POLR1C: variants seen among roughly 807,000 people sequenced by gnomAD.
POLR1C encodes the protein RNA polymerase I and III subunit C.
POLR1C carries 42 observed loss-of-function variants against 38.3 expected under a neutral mutation model. The observed-to-expected ratio is 1.10, with a 90% CI of 0.86 to 1.42. POLR1C has a LOEUF of 1.42. POLR1C is among the 40% of genes most tolerant of loss of function. POLR1C has a pLI of 0.00. For missense variants in POLR1C, 507 were observed against 450.5 expected (o/e 1.13, Z -1.14); for synonymous variants, 163 against 163.9 (o/e 0.99, Z 0.04).
chr6:43,521,449 T>C lies in POLR1C; in HGVS notation c.*149T>C, dbSNP rs1201156420. On this transcript the variant is annotated 3_prime_UTR_variant, in exon 9 of 9. Coordinates refer to ENST00000642195, the MANE Select transcript of POLR1C (RefSeq NM_203290.4). ...TCAATACATTTTGTTAAATGTGCCATAAAATGAGACTTTTTACGCCTTTAT... is the reference window on the plus strand; with the variant it reads ...TCAATACATTTTGTTAAATGTGCCACAAAATGAGACTTTTTACGCCTTTAT... 3 of 1,513,306 alleles carry C rather than the reference T, an allele frequency of 2.0e-6. No homozygotes were observed. The highest frequency in any genetic ancestry group is 2.6e-6 in the Non-Finnish European group (3 of 1,132,766). The allele number at this position is 1,513,306 out of a possible 1,614,324, so 93.7% of individuals were successfully genotyped here.
chr6:43,519,655 TA>T, intron 3 of POLR1C, 50 bp from the exon 4 acceptor site: 1 of 1,613,772 alleles, frequency 6.2e-7, no homozygotes, highest in Non-Finnish European at 8.5e-7. Flanking sequence ...CGGGGATAGG[TA>T]GGGGGTCTGT....
At position 43,548,389 on chromosome 6, in the gene POLR1C, C is replaced by T. The variant is rs747169486; in HGVS notation, c.*5-2579C>T. 37 of 1,612,926 alleles carry T rather than the reference C, an allele frequency of 2.3e-5. No homozygotes were observed. In the Middle Eastern group the frequency reaches 1.5e-3, roughly 64 times the overall value. ...CCAGGGCTTCCATGAGGGCACACTTCTCCATTTGTGTCAGGAGTAGCTCAT... is the reference window on the plus strand; with the variant it reads ...CCAGGGCTTCCATGAGGGCACACTTTTCCATTTGTGTCAGGAGTAGCTCAT... On this transcript the variant is annotated intron_variant, in intron 9 of 10. Coordinates refer to the POLR1C transcript ENST00000607635.
At chr6:43,517,787 A>C (rs1792913518) in intron 2 of POLR1C, among the ~76,000 whole-genome samples, 1 of 152,184 alleles carries the variant, frequency 6.6e-6, no homozygotes, top group South Asian at 2.1e-4. Flanking sequence ...GTTTGTTTCA[A>C]GTCAGTGAAG....
chr6:43,519,809 A>G lies in POLR1C; in HGVS notation c.353A>G (p.Asp118Gly). 1 of 1,614,206 alleles carries G rather than the reference A, an allele frequency of 6.2e-7. No homozygotes were observed. Among genetic ancestry groups the G allele is most frequent in the South Asian group, 1.1e-5 (1 of 91,086 alleles). The change falls in exon 4 of 9, where the codon GAT becomes GGT. Residue 118 changes from aspartate (D) to glycine (G), a missense_variant. Coordinates refer to ENST00000642195, the MANE Select transcript of POLR1C (RefSeq NM_203290.4). ...HRLGLIPIHA[D>G]PRLFEYRNQG... ...CTGGGGCTCATTCCCATTCATGCTG[A>G]TCCCCGTCTTTTTGAGTATCGGAAC...
At chr6:43,553,943 A>G (rs1013997789) in intron 10 of POLR1C, among the ~76,000 whole-genome samples, 2 of 152,190 alleles carry the variant, frequency 1.3e-5, no homozygotes, top group African/African-American at 4.8e-5. Context: ...AATCTTCCCA[A>G]TAAGGAAACA....
chr6:43,533,923 T>G, downstream of POLR1C: 2 of 1,604,084 alleles, frequency 1.2e-6, no homozygotes, highest in Non-Finnish European at 1.7e-6. Context: ...TAGCAGATTT[T>G]TCCGCGTCAA....
rs1793168851 is a variant in POLR1C, at chr6:43,521,236, T to C, written c.977T>C (p.Ile326Thr). Residue 326 changes from isoleucine (I) to threonine (T), a missense_variant, in exon 9 of 9, where the codon ATC becomes ACC. Coordinates refer to ENST00000642195, the MANE Select transcript of POLR1C (RefSeq NM_203290.4). ...CCAGATGTGCTGGTGAGTGAAGCCA[T>C]CAAAGTACTGATGGGGAAGTGCCGG... ...LPPDVLVSEA[I>T]KVLMGKCRRF... 6.2e-7 allele frequency: 1 copy of C among 1,613,744 alleles called. No homozygotes were observed. The highest frequency in any genetic ancestry group is 8.5e-7 in the Non-Finnish European group (1 of 1,180,020).
In POLR1C at chr6:43,519,321, C is replaced by T. The variant is rs748377245; in HGVS notation, c.142-12C>T. The T allele has an allele frequency of 5.2e-6, 8 of 1,532,272 alleles. No individual in the cohort carries two copies. The highest frequency in any genetic ancestry group is 2.2e-5 in the East Asian group (1 of 44,486). The allele number at this position is 1,532,272 out of a possible 1,614,324, so 94.9% of individuals were successfully genotyped here. A position where few individuals can be genotyped will look rare whatever the true frequency, so the allele number is the denominator to read the frequency against. On this transcript the variant is annotated splice_polypyrimidine_tract_variant and intron_variant, in intron 2 of 8. Coordinates refer to ENST00000642195, the MANE Select transcript of POLR1C (RefSeq NM_203290.4). ...GCAGATTTCACTTAAATGTTTTTTC[C>T]TGTCCCTCTAGAATTTCCGTGTGGA... is the stretch of plus-strand genomic sequence containing the variant.
At chr6:43,530,422 C>CA (rs780873253), downstream of POLR1C, among the ~76,000 whole-genome samples, 4,377 of 130,052 alleles carry the variant, frequency 0.034, 194 homozygotes, top group African/African-American at 0.11. Flanking sequence ...AAGACTGTCT[C>CA]AAAAAAAAAA....
chr6:43,520,040 C>T (rs1002131319), intron 4 of POLR1C, 26 bp from the exon 5 acceptor site: 31 of 1,613,420 alleles, frequency 1.9e-5, no homozygotes, highest in Non-Finnish European at 2.3e-5. Context: ...TTTACTAGTT[C>T]TTAGGAGCTC....
intron 10 of POLR1C, chr6:43,551,558 T>G: frequency 7.2e-7 from 1 of 1,393,900 alleles, no homozygotes; most frequent in Non-Finnish European, 9.9e-7. Flanking sequence ...GGTCTCATTC[T>G]GTCACCTAGG....
At chr6:43,525,726 T>C (rs537329427), downstream of POLR1C, 108 of 1,120,748 alleles carry the variant, frequency 9.6e-5, no homozygotes, top group Middle Eastern at 2.1e-4. Context: ...CAGGAACTTA[T>C]GTAACAAAGG....
At chr6:43,547,126 T>C (rs1304472269) in intron 9 of POLR1C, among the ~76,000 whole-genome samples, 1 of 152,238 alleles carries the variant, frequency 6.6e-6, no homozygotes, top group African/African-American at 2.4e-5. Context: ...TGACAGCTAG[T>C]GTCCTAATCC....
chr6:43,562,020 G>A (rs575562142), exon 11 of POLR1C: 3 of 380,726 alleles, frequency 7.9e-6, no homozygotes, highest in South Asian at 6.1e-5. Context: ...AATAATAGAC[G>A]TGGATATCTG....
At position 43,519,766 on chromosome 6, in the gene POLR1C, G is replaced by T; in HGVS notation, c.310G>T (p.Glu104Ter). 1 of 1,614,116 alleles carries T rather than the reference G, an allele frequency of 6.2e-7. No homozygotes were observed. The highest frequency in any genetic ancestry group is 8.5e-7 in the Non-Finnish European group (1 of 1,180,004). Residue 104 changes from glutamate (E) to a stop codon, truncating the protein, a stop_gained, in exon 4 of 9, where the codon GAG (glutamate) becomes TAG (stop). Coordinates refer to ENST00000642195, the MANE Select transcript of POLR1C (RefSeq NM_203290.4). LOFTEE classifies it high-confidence loss of function. ...VYNNTSIVQD[E>*]ILAHRLGLIP... Reference sequence around the variant, plus strand: ...CAATAATACATCCATTGTTCAGGATGAGATTCTTGCTCACCGTCTGGGGCT... The same window carrying T: ...CAATAATACATCCATTGTTCAGGATTAGATTCTTGCTCACCGTCTGGGGCT...
intron 9 of POLR1C, chr6:43,539,227 C>G (rs1452550286): frequency 9.0e-6 from 11 of 1,227,708 alleles, no homozygotes; most frequent in South Asian, 1.2e-5. Context: ...CAATGGAGAG[C>G]TTGGCCAGGA....
chr6:43,540,728 G>T (rs1017292840), intron 9 of POLR1C, among the ~76,000 whole-genome samples: 2 of 152,210 alleles, frequency 1.3e-5, no homozygotes, highest in African/African-American at 4.8e-5. Context: ...TGTTCCTGCT[G>T]TGGCCTCCCA....
At chr6:43,520,560 T>TA (rs1793103727) in intron 6 of POLR1C, 65 bp from the exon 7 acceptor site, 1 of 1,605,340 alleles carries the variant, frequency 6.2e-7, no homozygotes, top group Admixed American at 1.7e-5. Flanking sequence ...GTTAGTAGCT[T>TA]AGGAGGAGTA....
At chr6:43,549,626 A>G in intron 9 of POLR1C, 1 of 1,585,878 alleles carries the variant, frequency 6.3e-7, no homozygotes, top group Non-Finnish European at 8.6e-7. Context: ...AATATAATAT[A>G]CAGGTGCTGC....
Sources: gnomAD v4.1 joint callset for allele counts (sites outside exome capture counted in the v4.1 genomes callset) on GRCh38, gnomAD v4.1.1 for gene constraint, MANE v1.5 for transcripts, NCBI Gene and HGNC (gene_info 2026-07-23, HGNC 2026-07-21) for gene names.